Variants in KAT2B observed in about 807,000 individuals in gnomAD.
KAT2B encodes the protein histone acetyltransferase KAT2B.
A neutral mutation model predicts 105.9 loss-of-function variants in KAT2B; 36 were observed. The ratio of observed to expected loss-of-function variants is 0.34; its 90% CI spans 0.26 to 0.45. KAT2B has a LOEUF of 0.45. Among genes scored for constraint, KAT2B ranks in the 20% least tolerant of loss-of-function variants. The pLI is 1.00. For missense variants in KAT2B, 820 were observed against 1,021.6 expected (o/e 0.80, Z 2.69); for synonymous variants, 397 against 377.9 (o/e 1.05, Z -0.59).
chr3:20,053,558 A>G (rs992540046), intron 1 of KAT2B, among the ~76,000 whole-genome samples: 36 of 152,256 alleles, frequency 2.4e-4, no homozygotes, highest in African/African-American at 7.7e-4. Context: ...AAACAAAAAA[A>G]CTCAGGAAGG....
chr3:20,115,505 T>A (rs1699189752), intron 7 of KAT2B, among the ~76,000 whole-genome samples: 1 of 152,174 alleles, frequency 6.6e-6, no homozygotes, highest in Non-Finnish European at 1.5e-5. Flanking sequence ...GATGCAAAAT[T>A]TTGACGTCAA....
intron 11 of KAT2B, among the ~76,000 whole-genome samples, chr3:20,132,627 C>T (rs1245943189): frequency 6.6e-6 from 1 of 152,158 alleles, no homozygotes. Flanking sequence ...CTTAAACTAC[C>T]ATGACTGCTA....
At chr3:20,082,088 G>A (rs897773053) in intron 2 of KAT2B, among the ~76,000 whole-genome samples, 1 of 152,048 alleles carries the variant, frequency 6.6e-6, no homozygotes, top group African/African-American at 2.4e-5. Flanking sequence ...AGGCTGGAGT[G>A]CAATGGTGCA....
intron 1 of KAT2B, among the ~76,000 whole-genome samples, chr3:20,056,526 A>C (rs186251871): frequency 6.6e-6 from 1 of 152,330 alleles, no homozygotes; most frequent in African/African-American, 2.4e-5. Context: ...GACATTCTGA[A>C]TGCCTCATAG....
At chr3:20,049,652 T>C (rs1476322206) in intron 1 of KAT2B, among the ~76,000 whole-genome samples, 1 of 150,190 alleles carries the variant, frequency 6.7e-6, no homozygotes, top group Non-Finnish European at 1.5e-5. Flanking sequence ...TGTACTCCAA[T>C]TGAGAGGTAT....
intron 1 of KAT2B, among the ~76,000 whole-genome samples, chr3:20,056,798 A>G (rs1176260678): frequency 6.6e-6 from 1 of 152,196 alleles, no homozygotes; most frequent in African/African-American, 2.4e-5. Context: ...GAGGAGTTCT[A>G]GGTTTTGATG....
At chr3:20,090,022 AC>A (rs1391229825) in intron 2 of KAT2B, among the ~76,000 whole-genome samples, 4 of 151,088 alleles carry the variant, frequency 2.6e-5, no homozygotes, top group South Asian at 2.1e-4. Context: ...AAAAAAAAAA[AC>A]GAATGGTACT....
intron 11 of KAT2B, among the ~76,000 whole-genome samples, chr3:20,129,613 TG>T (rs1351860531): frequency 5.3e-5 from 8 of 152,130 alleles, no homozygotes; most frequent in African/African-American, 1.4e-4. Flanking sequence ...TGACCTCAGG[TG>T]ATCTGCCCTC....
chr3:20,125,503 A>G (rs1699385353), intron 9 of KAT2B, among the ~76,000 whole-genome samples: 1 of 152,204 alleles, frequency 6.6e-6, no homozygotes, highest in Non-Finnish European at 1.5e-5. Flanking sequence ...TTGGAACAGT[A>G]CTGCACCCAT....
intron 13 of KAT2B, among the ~76,000 whole-genome samples, chr3:20,140,800 C>G (rs1461084951): frequency 6.6e-6 from 1 of 152,096 alleles, no homozygotes; most frequent in Non-Finnish European, 1.5e-5. Flanking sequence ...CCATAGATTT[C>G]TTTAAAGGTA....
At chr3:20,115,992 A>G (rs752269441) in intron 7 of KAT2B, among the ~76,000 whole-genome samples, 1 of 152,218 alleles carries the variant, frequency 6.6e-6, no homozygotes, top group African/African-American at 2.4e-5. Context: ...CCTACAAACC[A>G]AAGTACTAGT....
chr3:20,129,007 C>CAAAAAAAA (rs534566854), intron 11 of KAT2B, among the ~76,000 whole-genome samples: 3 of 57,316 alleles, frequency 5.2e-5, no homozygotes, highest in Non-Finnish European at 3.0e-5. Context: ...AACTCCATCT[C>CAAAAAAAA]AAAAAAAAAA....
intron 11 of KAT2B, among the ~76,000 whole-genome samples, chr3:20,134,739 A>G (rs1011676902): frequency 6.6e-6 from 1 of 152,196 alleles, no homozygotes; most frequent in Non-Finnish European, 1.5e-5. Flanking sequence ...TGAAGATACA[A>G]ATATATCACT....
At chr3:20,078,185 T>C (rs1406105835) in intron 2 of KAT2B, among the ~76,000 whole-genome samples, 1 of 151,242 alleles carries the variant, frequency 6.6e-6, no homozygotes, top group Non-Finnish European at 1.5e-5. Flanking sequence ...GTCTCAAAAA[T>C]AAATAAATAA....
chr3:20,097,768 C>T (rs6419826), intron 3 of KAT2B, among the ~76,000 whole-genome samples: 60,511 of 151,532 alleles, frequency 0.4, 12,596 homozygotes, highest in East Asian at 0.64. Context: ...AACTCCTAGC[C>T]TCAAGTGATC....
intron 1 of KAT2B, among the ~76,000 whole-genome samples, chr3:20,046,537 C>T (rs1697814772): frequency 6.6e-6 from 1 of 152,142 alleles, no homozygotes; most frequent in Non-Finnish European, 1.5e-5. Context: ...GAGCTGAGAT[C>T]ATGCCACTGC....
intron 1 of KAT2B, among the ~76,000 whole-genome samples, chr3:20,050,077 A>G (rs1254820117): frequency 1.3e-5 from 2 of 152,076 alleles, no homozygotes; most frequent in South Asian, 2.1e-4. Flanking sequence ...GCTTGCACCT[A>G]TAGTCCCAGC....
chr3:20,107,005 ATATATATATATTTTTTTTTTTTTTTTT>A (rs1699027626), intron 5 of KAT2B, among the ~76,000 whole-genome samples: 4 of 24,328 alleles, frequency 1.6e-4, no homozygotes, highest in Non-Finnish European at 2.7e-4. Context: ...ATATATATAT[ATATATATATATTTTTTTTTTTTTTTTT>A]TTTTTTTTTT....
At chr3:20,081,823 C>T (rs1698524051) in intron 2 of KAT2B, among the ~76,000 whole-genome samples, 1 of 148,588 alleles carries the variant, frequency 6.7e-6, no homozygotes. Flanking sequence ...TCCCATAAAT[C>T]CTTTCCCTAG....
Sources: allele counts gnomAD v4.1 joint callset (sites outside exome capture counted in the v4.1 genomes callset), GRCh38; gene constraint gnomAD v4.1.1; transcripts MANE v1.5; gene names NCBI Gene and HGNC (gene_info 2026-07-23, HGNC 2026-07-21).